Variants in INTS4 observed in about 807,000 individuals in gnomAD.
INTS4 encodes integrator complex subunit 4, also known as MSTP093.
A neutral mutation model predicts 119.5 loss-of-function variants in INTS4; 70 were observed. That is an observed-to-expected ratio of 0.59 (90% CI 0.48 to 0.71). The LOEUF (loss-of-function observed/expected upper bound fraction) is 0.71, where lower values mean the gene tolerates loss of function less well. Among genes scored for constraint, INTS4 ranks in the 30% least tolerant of loss-of-function variants. The pLI is 0.00. For synonymous variants in INTS4, 316 were observed against 419.6 expected (o/e 0.75, Z 3.02); for missense variants, 867 against 1,173.2 (o/e 0.74, Z 3.81).
chr11:77,876,240 G>T (rs1951590728), downstream of INTS4, among the ~76,000 whole-genome samples: 1 of 152,126 alleles, frequency 6.6e-6, no homozygotes, highest in South Asian at 2.1e-4. Flanking sequence ...ACTAAGAACA[G>T]ACCCCTGTGA....
At chr11:77,926,761 A>C (rs183606883) in intron 11 of INTS4, among the ~76,000 whole-genome samples, 1 of 150,542 alleles carries the variant, frequency 6.6e-6, no homozygotes, top group Admixed American at 6.7e-5. Flanking sequence ...GCAGTAAGCC[A>C]AGATCGTACC....
chr11:77,880,034 C>A (rs898781675), intron 22 of INTS4, among the ~76,000 whole-genome samples: 4 of 152,154 alleles, frequency 2.6e-5, no homozygotes, highest in African/African-American at 7.2e-5. Context: ...GTTACTCATT[C>A]TATTAACCAC....
chr11:77,951,825 C>A (rs1345424951), intron 8 of INTS4, among the ~76,000 whole-genome samples: 1 of 152,126 alleles, frequency 6.6e-6, no homozygotes, highest in Non-Finnish European at 1.5e-5. Flanking sequence ...AAGAAAAAAA[C>A]AAACAGCCCC....
intron 8 of INTS4, among the ~76,000 whole-genome samples, chr11:77,955,555 G>A (rs1449342078): frequency 2.0e-5 from 3 of 150,642 alleles, no homozygotes; most frequent in Non-Finnish European, 4.4e-5. Flanking sequence ...GAGTGCAGCA[G>A]CGTGATCTTG....
chr11:77,880,543 T>C (rs1951752769), intron 22 of INTS4, among the ~76,000 whole-genome samples: 1 of 152,150 alleles, frequency 6.6e-6, no homozygotes. Context: ...TCCAGATGAA[T>C]CTCCCACTTA....
At chr11:77,893,353 C>G (rs1952359424) in intron 19 of INTS4, among the ~76,000 whole-genome samples, 1 of 152,192 alleles carries the variant, frequency 6.6e-6, no homozygotes, top group Non-Finnish European at 1.5e-5. Context: ...CACCTGTAAT[C>G]CCAATACTTT....
intron 8 of INTS4, among the ~76,000 whole-genome samples, chr11:77,950,500 G>A (rs1954164742): frequency 6.6e-6 from 1 of 152,158 alleles, no homozygotes; most frequent in African/African-American, 2.4e-5. Context: ...AAATTCTGGT[G>A]TTCAACTGCA....
chr11:77,979,081 T>C lies in INTS4; in HGVS notation c.386A>G (p.Gln129Arg). ...AATTGCAAGCAAAGTATCCAGCAGT[T>C]GAGCTAGGACTTGATGAGACTCTAG... ...QNEKSHQVLA[Q>R]LLDTLLAIGT... The change falls in exon 4 of 23, where the codon CAA (glutamine) becomes CGA (arginine). Residue 129 changes from glutamine (Q) to arginine (R), a missense_variant. By Grantham distance (43) the Gln-to-Arg change is conservative (BLOSUM62 1). Around this residue, in one of 5 missense-constraint regions of INTS4, gnomAD observed 224 missense variants for 231.8 expected, o/e 0.97. Coordinates refer to ENST00000534064, the MANE Select transcript of INTS4 (RefSeq NM_033547.4). 6.2e-7 allele frequency: 1 copy of C among 1,611,688 alleles called. No individual in the cohort carries two copies. The highest frequency in any genetic ancestry group is 1.1e-5 in the South Asian group (1 of 91,014).
At chr11:77,911,467 G>C (rs1461486619) in intron 15 of INTS4, among the ~76,000 whole-genome samples, 1 of 152,140 alleles carries the variant, frequency 6.6e-6, no homozygotes, top group Non-Finnish European at 1.5e-5. Flanking sequence ...CAATTATACA[G>C]AATACAGACC....
chr11:77,992,898 G>C (rs1159928740), intron 1 of INTS4, among the ~76,000 whole-genome samples: 1 of 152,196 alleles, frequency 6.6e-6, no homozygotes, highest in African/African-American at 2.4e-5. Context: ...AAAAAGAACA[G>C]AAGCACTAAG....
At chr11:77,924,633 G>C (rs1671966356) in intron 12 of INTS4, 117 bp downstream of exon 12, 1 of 899,958 alleles carries the variant, frequency 1.1e-6, no homozygotes, top group Admixed American at 2.5e-5. Context: ...GGTTTCTAAA[G>C]TAAAGGCAAA....
At chr11:77,915,346 C>A (rs945579513) in intron 15 of INTS4, 1 of 152,176 alleles carries the variant, frequency 6.6e-6, no homozygotes, top group African/African-American at 2.4e-5. Flanking sequence ...GCTGGTGAGA[C>A]CCTCCAGGGC....
chr11:77,882,676 C>T (rs1272618958), intron 22 of INTS4, among the ~76,000 whole-genome samples: 1 of 152,168 alleles, frequency 6.6e-6, no homozygotes, highest in Non-Finnish European at 1.5e-5. Context: ...GCTCCCTCAA[C>T]TACACCAGGC....
At chr11:77,970,242 C>CA (rs1379720934) in intron 4 of INTS4, among the ~76,000 whole-genome samples, 2 of 151,670 alleles carry the variant, frequency 1.3e-5, no homozygotes, top group East Asian at 1.9e-4. Context: ...ATTAAAAATA[C>CA]AAAAAAATTA....
intron 3 of INTS4, among the ~76,000 whole-genome samples, chr11:77,979,846 C>T (rs1302633489): frequency 6.6e-6 from 1 of 151,558 alleles, no homozygotes; most frequent in Non-Finnish European, 1.5e-5. Context: ...GGCATGGTGG[C>T]ACGTGCCTGT....
At chr11:77,937,845 T>TTATG (rs1953837829) in intron 10 of INTS4, among the ~76,000 whole-genome samples, 2 of 150,806 alleles carry the variant, frequency 1.3e-5, no homozygotes, top group Non-Finnish European at 3.0e-5. Flanking sequence ...ATTTATTTAT[T>TTATG]TATTTATTTA....
chr11:77,904,296 T>C (rs1372958994), intron 16 of INTS4, among the ~76,000 whole-genome samples: 3 of 152,234 alleles, frequency 2.0e-5, no homozygotes, highest in African/African-American at 4.8e-5. Context: ...CACTGTCCAA[T>C]AGAAATATAA....
At chr11:77,950,420 G>T (rs987445156) in intron 8 of INTS4, among the ~76,000 whole-genome samples, 63 of 152,010 alleles carry the variant, frequency 4.1e-4, no homozygotes, top group African/African-American at 1.4e-3. Context: ...GCAGACACTG[G>T]GGAGGGGAGG....
chr11:77,950,883 CCA>C (rs1954175952), intron 8 of INTS4, among the ~76,000 whole-genome samples: 1 of 121,642 alleles, frequency 8.2e-6, no homozygotes, highest in Non-Finnish European at 1.7e-5. Flanking sequence ...TCCCCCCACC[CCA>C]CAACAGGCCC....
Sources: allele counts gnomAD v4.1 joint callset (sites outside exome capture counted in the v4.1 genomes callset), GRCh38; gene constraint gnomAD v4.1.1; regional missense constraint gnomAD v4.1.1; transcripts MANE v1.5; gene names NCBI Gene and HGNC (gene_info 2026-07-23, HGNC 2026-07-21).